USH2A: variants seen among roughly 807,000 people sequenced by gnomAD.
The protein encoded by USH2A is Usher syndrome 2A (autosomal recessive, mild).
In USH2A, 443 loss-of-function variants were observed where a neutral mutation model predicts 538.9. That is an observed-to-expected ratio of 0.82 (90% CI 0.76 to 0.89). USH2A has a LOEUF of 0.89. Among genes scored for constraint, USH2A ranks in the 40% least tolerant of loss-of-function variants. The probability of loss-of-function intolerance (pLI) is 0.00; values close to 1 mark genes in which losing one functional copy is unlikely to be tolerated. For missense variants in USH2A, 6,633 were observed against 6,324.8 expected, an observed-to-expected ratio of 1.05 and a Z score of -1.65; for synonymous variants, 2,413 against 2,273.5, an observed-to-expected ratio of 1.06 and a Z score of -1.75.
rs1394369988 is a variant in USH2A at position 215,759,677 on chromosome 1, G to A, written c.11214C>T (p.Asn3738=). ...GSEEQNFTDK[N]LEPNSRYTYK... The stretch of plus-strand genomic sequence containing the variant: ...TAGTTTACCTGCTATTGGGCTCCAG[G>A]TTTTTATCAGTGAAATTCTGCTCCT... Residue 3738 remains asparagine (N), a synonymous_variant, in exon 57 of 72, where the codon AAC becomes AAT. Transcript: ENST00000307340. 6.2e-7 allele frequency: 1 copy of A among 1,613,940 alleles called. No individual in the cohort carries two copies. Among genetic ancestry groups the A allele is most frequent in the South Asian group, 1.1e-5 (1 of 91,082 alleles).
chr1:216,068,959 G>A (rs770681532), intron 30 of USH2A, among the ~76,000 whole-genome samples: 7 of 151,996 alleles, frequency 4.6e-5, no homozygotes, highest in Non-Finnish European at 1.0e-4. Flanking sequence ...AAAATAGAAC[G>A]CTGTCAGCTG....
In USH2A at chr1:215,650,630, T is replaced by G; in HGVS notation, c.14305A>C (p.Arg4769=). The change falls in exon 65 of 72, where the codon AGG becomes CGG. Residue 4769 remains arginine (R), a synonymous_variant. Transcript: ENST00000307340. ...CCATGGGCGCTGCTGGAGAACAGCC[T>G]GTAGAGACTGACGATCCCGTTGGGC... The part of the protein sequence containing the change: ...GKPNGIVSLY[R]LFSSSAHGAE... 1 of 1,614,160 alleles carries G rather than the reference T, an allele frequency of 6.2e-7. No homozygotes were observed. Among genetic ancestry groups the G allele is most frequent in the Non-Finnish European group, 8.5e-7 (1 of 1,180,022 alleles).
chr1:216,005,692 T>A (rs1375725969), intron 32 of USH2A, among the ~76,000 whole-genome samples: 2 of 152,020 alleles, frequency 1.3e-5, no homozygotes, highest in Admixed American at 6.6e-5. Flanking sequence ...GATTTACCAT[T>A]AAATACGAGA....
chr1:216,235,485 A>T (rs940632602), intron 13 of USH2A, among the ~76,000 whole-genome samples: 2 of 152,200 alleles, frequency 1.3e-5, no homozygotes, highest in Admixed American at 1.3e-4. Flanking sequence ...GGTTTTAGAC[A>T]TGACAAATCT....
chr1:215,960,067 C>A (rs1381364943), intron 37 of USH2A, among the ~76,000 whole-genome samples: 1 of 152,116 alleles, frequency 6.6e-6, no homozygotes, highest in Non-Finnish European at 1.5e-5. Flanking sequence ...AGTAAAGAAG[C>A]TGCCATTTGT....
At chr1:216,042,324 T>C (rs2030313840) in intron 32 of USH2A, among the ~76,000 whole-genome samples, 1 of 152,006 alleles carries the variant, frequency 6.6e-6, no homozygotes, top group Admixed American at 6.6e-5. Flanking sequence ...ATGTTTTAAA[T>C]TATCTTCTGT....
In USH2A at chr1:215,904,392, T is replaced by C. The variant is rs116179301; in HGVS notation, c.7301-3487A>G. Among the ~76,000 whole-genome samples, 341 of 152,206 alleles carry C rather than the reference T, an allele frequency of 2.2e-3. 1 individual carries two copies. The highest frequency in any genetic ancestry group is 3.7e-3 in the Non-Finnish European group (252 of 67,984). On this transcript the variant is annotated intron_variant, in intron 38 of 71. Coordinates refer to ENST00000307340, the MANE Select transcript of USH2A (RefSeq NM_206933.4). ...ATTGGTACACTTTGAATATATTAAA[T>C]TGTGAAATATTTCCAAACAGAATGG...
intron 67 of USH2A, among the ~76,000 whole-genome samples, chr1:215,644,749 T>G (rs1656793736): frequency 6.6e-6 from 1 of 152,210 alleles, no homozygotes; most frequent in Non-Finnish European, 1.5e-5. Context: ...AAAGGGATTT[T>G]CATCCAGTGC....
chr1:215,983,452 C>T (rs1232705395), intron 35 of USH2A, among the ~76,000 whole-genome samples: 3 of 151,928 alleles, frequency 2.0e-5, no homozygotes, highest in Non-Finnish European at 2.9e-5. Context: ...ATAAGCAAGC[C>T]GCCACTAGAA....
chr1:215,948,904 G>A (rs1012113896), intron 37 of USH2A, among the ~76,000 whole-genome samples: 15 of 152,180 alleles, frequency 9.9e-5, no homozygotes, highest in African/African-American at 3.6e-4. Context: ...AAACCATAAT[G>A]TACGGATTGT....
intron 32 of USH2A, among the ~76,000 whole-genome samples, chr1:216,019,442 T>G: frequency 6.6e-6 from 1 of 152,114 alleles, no homozygotes; most frequent in East Asian, 1.9e-4. Flanking sequence ...ATGATAAAAA[T>G]GGGGGGAGAA....
intron 56 of USH2A, among the ~76,000 whole-genome samples, chr1:215,764,226 G>A (rs1435542181): frequency 6.6e-6 from 1 of 152,102 alleles, no homozygotes; most frequent in East Asian, 1.9e-4. Flanking sequence ...GTGCTATAGT[G>A]TAAAGAGTAG....
intron 45 of USH2A, among the ~76,000 whole-genome samples, chr1:215,845,085 T>C (rs1342111721): frequency 6.6e-6 from 1 of 152,158 alleles, no homozygotes; most frequent in Non-Finnish European, 1.5e-5. Flanking sequence ...TATTCAAGCA[T>C]GTCAGAAATA....
At position 216,422,439 on chromosome 1, in the gene USH2A, G is replaced by A. The variant is rs1441517764; in HGVS notation, c.-103C>T. On this transcript the variant is annotated 5_prime_UTR_variant, in exon 2 of 72. Transcript: ENST00000307340. ...TTTGAAGCAGGGTACTTTAAGTGAT[G>A]TTGCGATACTCCATTTTCTGGAAAC... The A allele has an allele frequency of 6.5e-6, 10 of 1,530,688 alleles. No homozygotes were observed. In the East Asian group the frequency reaches 2.3e-4, roughly 36 times the overall value. The allele number at this position is 1,530,688 out of a possible 1,614,324, so 94.8% of individuals were successfully genotyped here.
intron 22 of USH2A, among the ~76,000 whole-genome samples, chr1:216,092,641 T>C (rs1371359191): frequency 6.6e-6 from 1 of 152,186 alleles, no homozygotes; most frequent in East Asian, 1.9e-4. Context: ...ATTATAAATT[T>C]AGAAAATATG....
At chr1:216,134,879 G>A (rs771733934) in intron 21 of USH2A, among the ~76,000 whole-genome samples, 2 of 152,102 alleles carry the variant, frequency 1.3e-5, no homozygotes, top group Non-Finnish European at 2.9e-5. Flanking sequence ...ATGCCAAAGT[G>A]AGCTTTAGGG....
intron 38 of USH2A, among the ~76,000 whole-genome samples, chr1:215,918,991 T>G (rs534260017): frequency 2.0e-5 from 3 of 152,084 alleles, no homozygotes; most frequent in African/African-American, 7.2e-5. Context: ...GTATTCATAT[T>G]AATAACGCTT....
chr1:215,705,835 G>A (rs936733138), intron 61 of USH2A, among the ~76,000 whole-genome samples: 7 of 152,160 alleles, frequency 4.6e-5, no homozygotes, highest in Non-Finnish European at 8.8e-5. Flanking sequence ...GGAATATTTA[G>A]GACTTTGGCC....
At chr1:215,903,414 A>T (rs186525495) in intron 38 of USH2A, among the ~76,000 whole-genome samples, 1 of 152,200 alleles carries the variant, frequency 6.6e-6, no homozygotes, top group African/African-American at 2.4e-5. Flanking sequence ...AAAGCTCATG[A>T]TATCAAAGGA....
Sources: gnomAD v4.1 joint callset for allele counts (sites outside exome capture counted in the v4.1 genomes callset) on GRCh38, gnomAD v4.1.1 for gene constraint, MANE v1.5 for transcripts, NCBI Gene and HGNC (gene_info 2026-07-23, HGNC 2026-07-21) for gene names.